Variants in AXDND1 observed in about 807,000 individuals in gnomAD.
AXDND1 encodes the protein axonemal dynein light chain domain containing 1, also known as axonemal dynein light chain domain-containing protein 1.
In AXDND1, 110 loss-of-function variants were observed where a neutral mutation model predicts 137.5. The ratio of observed to expected loss-of-function variants is 0.80; its 90% confidence interval spans 0.69 to 0.94. The LOEUF is 0.94. AXDND1 is among the 40% of genes least tolerant of loss of function. The probability of loss-of-function intolerance (pLI) is 0.00; values close to 1 mark genes in which losing one functional copy is unlikely to be tolerated. For synonymous variants in AXDND1, 414 were observed against 399.7 expected, an observed-to-expected ratio of 1.04 and a Z score of -0.43; for missense variants, 1,191 against 1,169.8, an observed-to-expected ratio of 1.02 and a Z score of -0.26.
At chr1:179,447,560 G>A in intron 16 of AXDND1, 1 of 891,220 alleles carries the variant, frequency 1.1e-6, no homozygotes, top group Non-Finnish European at 1.7e-6. Context: ...TAAAATACAT[G>A]TTTTAAAGAA....
chr1:179,444,277 C>T (rs1204425896), intron 15 of AXDND1, among the ~76,000 whole-genome samples: 4 of 151,948 alleles, frequency 2.6e-5, no homozygotes, highest in Non-Finnish European at 4.4e-5. Context: ...ATGTGGAAAT[C>T]GAAGCCTAGG....
Position 179,366,593 on chromosome 1 carries a change from G to A in AXDND1, c.84G>A (p.Lys28=). Residue 28 remains lysine (K), a synonymous_variant, in exon 2 of 26, where the codon AAG becomes AAA. Coordinates refer to ENST00000367618, the MANE Select transcript of AXDND1 (RefSeq NM_144696.6). The part of the protein sequence containing the change: ...ESKKLKVSVA[K]EGTRGLPELK... Reference sequence around the variant, plus strand: ...AAAAGTTAAAAGTGTCTGTAGCCAAGGAAGGGACAAGAGGTAAACTTCGTT... The same window carrying A: ...AAAAGTTAAAAGTGTCTGTAGCCAAAGAAGGGACAAGAGGTAAACTTCGTT... The A allele has an allele frequency of 1.2e-6, 2 of 1,611,668 alleles. No individual in the cohort carries two copies. Among genetic ancestry groups the A allele is most frequent in the Middle Eastern group, 3.3e-4 (2 of 6,046 alleles).
At chr1:179,386,756 G>T (rs1649289788) in intron 9 of AXDND1, among the ~76,000 whole-genome samples, 1 of 151,500 alleles carries the variant, frequency 6.6e-6, no homozygotes, top group South Asian at 2.1e-4. Flanking sequence ...ATAGAGTCTT[G>T]CTCTGTTACC....
At chr1:179,505,570 C>T (rs928292663) in intron 20 of AXDND1, among the ~76,000 whole-genome samples, 1 of 151,826 alleles carries the variant, frequency 6.6e-6, no homozygotes, top group Non-Finnish European at 1.5e-5. Context: ...ATCCCTTGAA[C>T]CCGGGAGGTA....
At chr1:179,483,053 C>G in intron 17 of AXDND1, 75 bp from the exon 18 acceptor site, 1 of 999,336 alleles carries the variant, frequency 1.0e-6, no homozygotes, top group Non-Finnish European at 1.5e-6. Context: ...AAATAAAACT[C>G]TTTCTCATAG....
intron 11 of AXDND1, among the ~76,000 whole-genome samples, chr1:179,407,099 C>T (rs1000447107): frequency 6.6e-6 from 1 of 152,084 alleles, no homozygotes; most frequent in African/African-American, 2.4e-5. Flanking sequence ...ATAGGACTAC[C>T]TTCAGGCTGG....
chr1:179,513,500 A>T (rs1170642357), intron 21 of AXDND1, among the ~76,000 whole-genome samples: 1 of 152,086 alleles, frequency 6.6e-6, no homozygotes, highest in Non-Finnish European at 1.5e-5. Flanking sequence ...GTCTGTGTTT[A>T]TCAGGGATGT....
chr1:179,374,642 G>A (rs12122945), intron 4 of AXDND1, among the ~76,000 whole-genome samples: 66,714 of 151,878 alleles, frequency 0.44, 15,275 homozygotes, highest in East Asian at 0.71. Context: ...ATACTTTGTA[G>A]CCGTAAAAAA....
At chr1:179,506,929 A>G in intron 20 of AXDND1, 2 of 983,888 alleles carry the variant, frequency 2.0e-6, no homozygotes, top group East Asian at 1.1e-4. Flanking sequence ...TTTAGCAGGT[A>G]AATTCAAGCC....
At chr1:179,375,092 T>C (rs1668453054) in intron 4 of AXDND1, among the ~76,000 whole-genome samples, 1 of 150,714 alleles carries the variant, frequency 6.6e-6, no homozygotes, top group Non-Finnish European at 1.5e-5. Context: ...AAATATTCTT[T>C]ATTAATAAAA....
At chr1:179,547,554 G>T (rs1672764812) in intron 25 of AXDND1, among the ~76,000 whole-genome samples, 1 of 152,172 alleles carries the variant, frequency 6.6e-6, no homozygotes, top group Admixed American at 6.5e-5. Flanking sequence ...ATTCTGCCAG[G>T]ACAATGCTTC....
At chr1:179,411,085 A>G in intron 11 of AXDND1, 61 bp from the exon 12 acceptor site, 1 of 1,330,034 alleles carries the variant, frequency 7.5e-7, no homozygotes, top group Non-Finnish European at 1.0e-6. Flanking sequence ...TTTTTAAAAA[A>G]TATATGTGTC....
chr1:179,539,588 G>A (rs900964764), intron 25 of AXDND1, among the ~76,000 whole-genome samples: 22 of 152,198 alleles, frequency 1.4e-4, no homozygotes, highest in African/African-American at 5.1e-4. Context: ...TCCCTTTGTG[G>A]GTAACCCAAC....
intron 6 of AXDND1, among the ~76,000 whole-genome samples, chr1:179,380,830 A>G (rs903428605): frequency 6.6e-6 from 1 of 152,158 alleles, no homozygotes; most frequent in African/African-American, 2.4e-5. Flanking sequence ...TGTTGCAAAA[A>G]TGGGAAAAGG....
At chr1:179,391,246 G>T (rs1285665005) in intron 9 of AXDND1, among the ~76,000 whole-genome samples, 1 of 147,134 alleles carries the variant, frequency 6.8e-6, no homozygotes, top group African/African-American at 2.5e-5. Context: ...ATGATACCTT[G>T]TTTCTCTTAT....
chr1:179,525,262 T>C, intron 21 of AXDND1, 72 bp from the exon 22 acceptor site: 6 of 1,429,400 alleles, frequency 4.2e-6, no homozygotes, highest in Non-Finnish European at 5.6e-6. Flanking sequence ...TTAGTGCTCA[T>C]TAAATATTTT....
rs11300946 is a variant in AXDND1, at chr1:179,425,835, C to CT, written c.1231-3664dup. Among the ~76,000 whole-genome samples the CT allele has an allele frequency of 5.8e-3, 586 of 101,082 alleles. 8 individuals carry two copies. Among genetic ancestry groups the CT allele is most frequent in the African/African-American group, 0.017 (478 of 27,740 alleles). 66.3% of individuals were successfully genotyped at this position (101,082 alleles called of 152,430 possible). A position where few individuals can be genotyped will look rare whatever the true frequency, so the allele number is the denominator to read the frequency against. On this transcript the variant is annotated intron_variant, in intron 12 of 25. Coordinates refer to ENST00000367618, the MANE Select transcript of AXDND1 (RefSeq NM_144696.6). The stretch of plus-strand genomic sequence containing the variant: ...GTGTAAAGAGAGAAATGTGGAAGCT[C>CT]TTTTTTTTTTTTTTTTTTTGAGACA...
intron 17 of AXDND1, among the ~76,000 whole-genome samples, chr1:179,474,869 C>T (rs1202004130): frequency 1.3e-5 from 2 of 152,242 alleles, no homozygotes; most frequent in Non-Finnish European, 2.9e-5. Context: ...ACCAACCCCT[C>T]TTATCACAGG....
intron 23 of AXDND1, among the ~76,000 whole-genome samples, chr1:179,528,641 CTTTT>C (rs34531104): frequency 2.6e-5 from 3 of 115,370 alleles, no homozygotes; most frequent in Non-Finnish European, 3.4e-5. Flanking sequence ...CTTTAAACCT[CTTTT>C]TTTTTTTTTT....
Sources: allele counts gnomAD v4.1 joint callset (sites outside exome capture counted in the v4.1 genomes callset), GRCh38; gene constraint gnomAD v4.1.1; transcripts MANE v1.5; gene names NCBI Gene and HGNC (gene_info 2026-07-23, HGNC 2026-07-21).